EP400: variants seen among roughly 807,000 people sequenced by gnomAD.
EP400 encodes E1A binding protein p400.
EP400 carries 105 observed loss-of-function variants against 354.1 expected under a neutral mutation model. That is an observed-to-expected ratio of 0.30 (90% CI 0.25 to 0.35). EP400 has a LOEUF of 0.35. Among genes scored for constraint, EP400 ranks in the 10% least tolerant of loss-of-function variants. The pLI, the probability that EP400 is intolerant of heterozygous loss-of-function variation, is 1.00. For missense variants in EP400, 3,280 were observed against 4,121.0 expected, an observed-to-expected ratio of 0.80 and a Z score of 5.59; for synonymous variants, 1,646 against 1,716.9, an observed-to-expected ratio of 0.96 and a Z score of 1.02.
intron 21 of EP400, among the ~76,000 whole-genome samples, chr12:132,019,355 T>C (rs1221074705): frequency 6.6e-6 from 1 of 152,196 alleles, no homozygotes; most frequent in East Asian, 1.9e-4. Context: ...AAATGGCTTT[T>C]GATGGCCGTC....
rs1290757188 is a variant in EP400, at chr12:132,078,096, T to C, written c.*423T>C. On this transcript the variant is annotated 3_prime_UTR_variant, in exon 53 of 53. Coordinates refer to ENST00000389561, the MANE Select transcript of EP400 (RefSeq NM_015409.5). ...AAAGATAAGGCGTGGGCTTCCACAG[T>C]GTCTGCCAGAGTTTAGTTCTTTATA... The C allele has an allele frequency of 1.2e-5, 2 of 172,892 alleles. No individual in the cohort carries two copies. The highest frequency in any genetic ancestry group is 3.1e-4 in the East Asian group (2 of 6,478). The allele number at this position is 172,892 out of a possible 1,614,324, so 10.7% of individuals were successfully genotyped here.
Position 132,062,523 on chromosome 12 carries a change from GGCAGCAGCAGCAGCAGCAGCAACAACA to G in EP400, c.8178_8204del (p.Gln2740_Gln2748del), listed in dbSNP as rs1236994227. 2.4e-5 allele frequency: 38 copies of G among 1,574,910 alleles called. No homozygotes were observed. Among genetic ancestry groups the G allele is most frequent in the Non-Finnish European group, 2.8e-5 (32 of 1,155,140 alleles). On this transcript the variant is annotated inframe_deletion, in exon 47 of 53. Coordinates refer to ENST00000389561, the MANE Select transcript of EP400 (RefSeq NM_015409.5). ...ACACCTGCACATTTCCAGCTTCTCAGGCAGCAGCAGCAGCAGCAGCAACAACAGCAGCAGCAGCAGCAGCAGCAGCAG... is the reference window on the plus strand; with the variant it reads ...ACACCTGCACATTTCCAGCTTCTCAGGCAGCAGCAGCAGCAGCAGCAGCAG...
At position 132,050,453 on chromosome 12, in the gene EP400, A is replaced by G; in HGVS notation, c.7331A>G (p.Lys2444Arg). 6.2e-7 allele frequency: 1 copy of G among 1,614,170 alleles called. No individual in the cohort carries two copies. The highest frequency in any genetic ancestry group is 2.2e-5 in the East Asian group (1 of 44,888). The change falls in exon 40 of 53, where the codon AAA becomes AGA. Residue 2444 changes from lysine to arginine, a missense_variant. By Grantham distance (26) the Lys-to-Arg change is conservative. Around this residue, in one of 20 missense-constraint regions of EP400, gnomAD observed 29 missense variants for 86.0 expected, o/e 0.34. Coordinates refer to ENST00000389561, the MANE Select transcript of EP400 (RefSeq NM_015409.5). This position sits in a 1 kb window ranked among gnomAD's most constrained non-coding sequence, Gnocchi z 4.8. ...MTAGKRSPPI[K>R]PLLGMNPFQK... ...GCTGGCAAGAGGAGTCCCCCAATCA[A>G]ACCTCTGTATGTTTCCTGAGTGCTC...
Position 131,990,812 on chromosome 12 carries a change from A to G in EP400, c.2629+98A>G, listed in dbSNP as rs910153805. ...CTCCTGGCGCTGTGGCTTCCCACAGAGGACATCTGCTCATCAGCCAGCTGC... is the reference window on the plus strand; with the variant it reads ...CTCCTGGCGCTGTGGCTTCCCACAGGGGACATCTGCTCATCAGCCAGCTGC... On this transcript the variant is annotated intron_variant, in intron 9 of 52. Coordinates refer to ENST00000389561, the MANE Select transcript of EP400 (RefSeq NM_015409.5). This position sits in a 1 kb window ranked among gnomAD's most constrained non-coding sequence, Gnocchi z 4.2. The G allele has an allele frequency of 1.1e-5, 9 of 833,842 alleles. No individual in the cohort carries two copies. The Admixed American group carries it at 1.9e-4, about 18-fold the overall frequency. 51.7% of individuals were successfully genotyped at this position (833,842 alleles called of 1,614,324 possible). A position where few individuals can be genotyped will look rare whatever the true frequency, so the allele number is the denominator to read the frequency against.
intron 2 of EP400, among the ~76,000 whole-genome samples, chr12:131,979,198 C>A (rs544360877): frequency 6.8e-6 from 1 of 146,400 alleles, no homozygotes. Context: ...GGTGACAGAG[C>A]GAGACTCCGT....
In EP400 at chr12:132,027,033, A is replaced by G. The variant is rs981737710; in HGVS notation, c.5015-404A>G. 6.6e-6 allele frequency among the ~76,000 whole-genome samples: 1 copy of G among 152,162 alleles called. No individual in the cohort carries two copies. The highest frequency in any genetic ancestry group is 1.5e-5 in the Non-Finnish European group (1 of 68,034). ...ACTTCCTGCCGGGGCTGGGCTGCTC[A>G]TGGCAGGCAAGGGCCTCACAGTCAT... On this transcript the variant is annotated intron_variant, in intron 25 of 52. Coordinates refer to ENST00000389561, the MANE Select transcript of EP400 (RefSeq NM_015409.5). This position sits in a 1 kb window ranked among gnomAD's most constrained non-coding sequence, Gnocchi z 4.9.
At chr12:132,002,022 C>G (rs1893433972) in intron 12 of EP400, among the ~76,000 whole-genome samples, 1 of 152,170 alleles carries the variant, frequency 6.6e-6, no homozygotes, top group Non-Finnish European at 1.5e-5. Flanking sequence ...TTGCCGCCCA[C>G]ATATTGGAAC....
chr12:131,977,183 T>A (rs1892510704), intron 2 of EP400, among the ~76,000 whole-genome samples: 1 of 152,172 alleles, frequency 6.6e-6, no homozygotes, highest in South Asian at 2.1e-4. Context: ...TTCACCCAGG[T>A]TGGAGTGCAG....
intron 16 of EP400, 106 bp downstream of exon 16, chr12:132,011,740 A>G (rs978175339): frequency 1.3e-4 from 168 of 1,327,932 alleles, no homozygotes; most frequent in Non-Finnish European, 1.5e-4. Context: ...GGAATTATTA[A>G]AGATCACTCA....
At chr12:132,031,444 G>C (rs1894490155) in intron 29 of EP400, 1 of 505,224 alleles carries the variant, frequency 2.0e-6, no homozygotes, top group Non-Finnish European at 4.0e-6. Context: ...TTGGCGATGG[G>C]TGAGCGTAAG....
chr12:132,064,554 G>A, intron 47 of EP400, 114 bp from the exon 48 acceptor site: 1 of 1,391,380 alleles, frequency 7.2e-7, no homozygotes, highest in Non-Finnish European at 9.7e-7. Context: ...CACGGTAGCA[G>A]GTGTCTGCTT....
chr12:131,969,045 C>CTTTT (rs111450529), intron 2 of EP400, among the ~76,000 whole-genome samples: 2 of 142,142 alleles, frequency 1.4e-5, no homozygotes, highest in African/African-American at 2.6e-5. Flanking sequence ...CTTTACTTTT[C>CTTTT]TTTTTTTTTT....
intron 11 of EP400, among the ~76,000 whole-genome samples, chr12:131,992,789 C>CT (rs1893082954): frequency 6.6e-6 from 1 of 152,152 alleles, no homozygotes; most frequent in Admixed American, 6.5e-5. Context: ...GTTGGAGAAA[C>CT]TTTCTTGGGC....
chr12:132,050,746 C>T lies in EP400; in HGVS notation c.7394+91C>T, dbSNP rs1023818114. The T allele has an allele frequency of 2.2e-4, 330 of 1,509,342 alleles. No individual in the cohort carries two copies. Among genetic ancestry groups the T allele is most frequent in the Non-Finnish European group, 2.9e-4 (313 of 1,088,404 alleles). 93.5% of individuals were successfully genotyped at this position (1,509,342 alleles called of 1,614,324 possible). On this transcript the variant is annotated intron_variant, in intron 41 of 52. Coordinates refer to ENST00000389561, the MANE Select transcript of EP400 (RefSeq NM_015409.5). This position sits in a 1 kb window ranked among gnomAD's most constrained non-coding sequence, Gnocchi z 4.8. Reference sequence around the variant, plus strand: ...TCAGTGAGTTCAGCAAATCGTTGTGCACTTAGCGTGTTCAGGCATCAGCTG... The same window carrying T: ...TCAGTGAGTTCAGCAAATCGTTGTGTACTTAGCGTGTTCAGGCATCAGCTG...
chr12:131,960,259 C>G (rs1394537777), intron 1 of EP400, among the ~76,000 whole-genome samples: 1 of 152,188 alleles, frequency 6.6e-6, no homozygotes, highest in East Asian at 1.9e-4. Context: ...AGTACCTACC[C>G]CACAGGGCGG....
At chr12:132,062,745 C>A in intron 47 of EP400, 44 bp downstream of exon 47, 2 of 1,605,378 alleles carry the variant, frequency 1.2e-6, no homozygotes, top group South Asian at 1.1e-5. Context: ...GTCTTGCGGT[C>A]AGTCAGCCCA....
At chr12:132,049,669 C>T (rs186482936) in intron 39 of EP400, among the ~76,000 whole-genome samples, 1 of 152,308 alleles carries the variant, frequency 6.6e-6, no homozygotes, top group Admixed American at 6.5e-5. Flanking sequence ...CTGGTCTTGA[C>T]TTGTCGCTAC....
chr12:132,006,971 T>C, intron 15 of EP400, 94 bp downstream of exon 15: 1 of 1,384,438 alleles, frequency 7.2e-7, no homozygotes, highest in Non-Finnish European at 1.0e-6. Flanking sequence ...TTGGCTATCT[T>C]ATCTACTTCT....
At position 132,050,775 on chromosome 12, in the gene EP400, G is replaced by A. The variant is rs1165982285; in HGVS notation, c.7394+120G>A. On this transcript the variant is annotated intron_variant, in intron 41 of 52. Coordinates refer to ENST00000389561, the MANE Select transcript of EP400 (RefSeq NM_015409.5). This position sits in a 1 kb window ranked among gnomAD's most constrained non-coding sequence, Gnocchi z 4.8. ...TAGCGTGTTCAGGCATCAGCTGGAC[G>A]TGGCAGTGCGCAGAACCTGCAGGAG... is the stretch of plus-strand genomic sequence containing the variant. 18 of 1,252,564 alleles carry A rather than the reference G, an allele frequency of 1.4e-5. No homozygotes were observed. Among genetic ancestry groups the A allele is most frequent in the Admixed American group, 3.4e-5 (2 of 58,486 alleles). The allele number at this position is 1,252,564 out of a possible 1,614,324, so 77.6% of individuals were successfully genotyped here. A position where few individuals can be genotyped will look rare whatever the true frequency, so the allele number is the denominator to read the frequency against.
Sources: allele counts gnomAD v4.1 joint callset (sites outside exome capture counted in the v4.1 genomes callset), GRCh38; gene constraint gnomAD v4.1.1; regional missense constraint gnomAD v4.1.1; non-coding constraint Gnocchi (gnomAD v3.1); transcripts MANE v1.5; gene names NCBI Gene and HGNC (gene_info 2026-07-23, HGNC 2026-07-21).